The following KCNIP1 variants were observed in gnomAD, a reference collection of about 807,000 sequenced individuals.
The protein encoded by KCNIP1 is potassium voltage-gated channel interacting protein 1, also known as A-type potassium channel modulatory protein KCNIP1.
Under a neutral mutation model 33.0 loss-of-function variants are expected in KCNIP1, and 18 were observed. The observed-to-expected ratio is 0.55, with a 90% confidence interval of 0.38 to 0.81. The LOEUF (loss-of-function observed/expected upper bound fraction) is 0.81, where lower values mean the gene tolerates loss of function less well. KCNIP1 is among the 30% of genes least tolerant of loss of function. KCNIP1 has a pLI of 0.00. For synonymous variants in KCNIP1, 93 were observed against 98.3 expected, an observed-to-expected ratio of 0.95 and a Z score of 0.32; for missense variants, 238 against 271.6, an observed-to-expected ratio of 0.88 and a Z score of 0.87.
At chr5:170,359,592 C>G (rs184210428) in intron 1 of KCNIP1, among the ~76,000 whole-genome samples, 3 of 152,186 alleles carry the variant, frequency 2.0e-5, no homozygotes, top group African/African-American at 4.8e-5. Flanking sequence ...CTCTGAGTGC[C>G]AGTGCTTTGT....
chr5:170,514,305 C>G (rs1244090302), intron 1 of KCNIP1, among the ~76,000 whole-genome samples: 1 of 152,208 alleles, frequency 6.6e-6, no homozygotes, highest in Non-Finnish European at 1.5e-5. Context: ...TGAGGCTGCA[C>G]TTTCTCTCCA....
chr5:170,433,217 C>T (rs886834888), intron 1 of KCNIP1, among the ~76,000 whole-genome samples: 3 of 152,154 alleles, frequency 2.0e-5, no homozygotes, highest in Admixed American at 1.3e-4. Flanking sequence ...GATGGAGTCT[C>T]GCTCTGTCAC....
At chr5:170,372,380 T>C (rs1763868532) in intron 1 of KCNIP1, among the ~76,000 whole-genome samples, 1 of 150,926 alleles carries the variant, frequency 6.6e-6, no homozygotes, top group Admixed American at 6.6e-5. Context: ...ATTTAGGGGG[T>C]TTTATGAAGA....
Position 170,718,823 on chromosome 5 carries a change from G to C in KCNIP1, c.127G>C (p.Glu43Gln). The C allele has an allele frequency of 3.7e-6, 6 of 1,610,474 alleles. No individual in the cohort carries two copies. The highest frequency in any genetic ancestry group is 4.2e-6 in the Non-Finnish European group (5 of 1,178,912). The change falls in exon 2 of 8, where the codon GAG becomes CAG. Residue 43 changes from glutamate (E) to glutamine (Q), a missense_variant. By Grantham distance (29) the Glu-to-Gln change is conservative. Transcript: ENST00000328939. Reference protein sequence around the residue: ...CHRPEGLEQLEAQTNFTKREL... With the variant: ...CHRPEGLEQLQAQTNFTKREL... Reference sequence around the variant, plus strand: ...TCGGCCCGAGGGACTGGAGCAGCTCGAGGCCCAGACCAACTTCACCAAGAG... The same window carrying C: ...TCGGCCCGAGGGACTGGAGCAGCTCCAGGCCCAGACCAACTTCACCAAGAG...
At chr5:170,623,611 G>C (rs576132650) in intron 1 of KCNIP1, among the ~76,000 whole-genome samples, 8 of 152,202 alleles carry the variant, frequency 5.3e-5, no homozygotes, top group Non-Finnish European at 1.0e-4. Context: ...CCCCTCAGAC[G>C]AAACCGATGC....
At chr5:170,643,803 TG>T (rs992378321) in intron 1 of KCNIP1, among the ~76,000 whole-genome samples, 142 of 152,320 alleles carry the variant, frequency 9.3e-4, no homozygotes, top group Admixed American at 8.6e-3. Context: ...TGCAGCTGGC[TG>T]GGGGACCATG....
chr5:170,620,878 C>G (rs995347325), intron 1 of KCNIP1, among the ~76,000 whole-genome samples: 16 of 152,132 alleles, frequency 1.1e-4, no homozygotes, highest in Non-Finnish European at 2.1e-4. Context: ...CATGAGGGCC[C>G]TCCCCAAGGA....
At chr5:170,723,543 T>C (rs1348721063) in intron 5 of KCNIP1, among the ~76,000 whole-genome samples, 1 of 152,182 alleles carries the variant, frequency 6.6e-6, no homozygotes, top group East Asian at 1.9e-4. Context: ...TCAGCACCAA[T>C]CTTCACCTCA....
chr5:170,693,009 T>A (rs888116687), intron 1 of KCNIP1, among the ~76,000 whole-genome samples: 3 of 152,168 alleles, frequency 2.0e-5, no homozygotes. Flanking sequence ...CCATCACTGG[T>A]TAATAAACTA....
At position 170,449,359 on chromosome 5, in the gene KCNIP1, G is replaced by A. The variant is rs72836253; in HGVS notation, c.88+95395G>A. Among the ~76,000 whole-genome samples the A allele has an allele frequency of 6.0e-3, 911 of 152,074 alleles. 4 individuals are homozygous for A. The highest frequency in any genetic ancestry group is 0.011 in the Admixed American group (162 of 15,274). The stretch of plus-strand genomic sequence containing the variant: ...GCCCTCAACTTCCAAACTGTGCTTC[G>A]GGCACTGACATTCCCTGAGCTCCAC... On this transcript the variant is annotated intron_variant, in intron 1 of 7. Transcript: ENST00000377360.
chr5:170,574,830 G>A (rs1203369930), intron 1 of KCNIP1, among the ~76,000 whole-genome samples: 1 of 152,176 alleles, frequency 6.6e-6, no homozygotes, highest in African/African-American at 2.4e-5. Flanking sequence ...CACAGCTCTG[G>A]GACGTGGGAG....
At chr5:170,510,195 T>C (rs528853227) in intron 1 of KCNIP1, among the ~76,000 whole-genome samples, 44 of 152,346 alleles carry the variant, frequency 2.9e-4, no homozygotes, top group African/African-American at 9.4e-4. Flanking sequence ...GCCTTCTCTC[T>C]TTCCCCATAG....
intron 1 of KCNIP1, chr5:170,680,991 G>C (rs972290548): frequency 5.0e-6 from 2 of 398,994 alleles, no homozygotes; most frequent in African/African-American, 4.1e-5. Flanking sequence ...AGAACAGCAG[G>C]AAGGGAGGCT....
intron 1 of KCNIP1, among the ~76,000 whole-genome samples, chr5:170,523,441 G>A (rs1018547444): frequency 6.6e-6 from 1 of 152,184 alleles, no homozygotes; most frequent in African/African-American, 2.4e-5. Context: ...AGAAAGGCAG[G>A]GTTCCGGAAC....
chr5:170,450,357 G>T (rs932031207), intron 1 of KCNIP1, among the ~76,000 whole-genome samples: 1 of 152,134 alleles, frequency 6.6e-6, no homozygotes, highest in Non-Finnish European at 1.5e-5. Context: ...CTCAGCCAGG[G>T]TCTGCGGGTT....
chr5:170,483,070 AAGTGG>A (rs1479891788), intron 1 of KCNIP1: 2 of 454,724 alleles, frequency 4.4e-6, no homozygotes, highest in Non-Finnish European at 8.8e-6. Context: ...ATGGAGTCAA[AAGTGG>A]AACTGGGGCC....
At chr5:170,544,688 G>A (rs897923646) in intron 1 of KCNIP1, among the ~76,000 whole-genome samples, 1 of 145,156 alleles carries the variant, frequency 6.9e-6, no homozygotes. Context: ...TCCTTATATT[G>A]GCTTCTTGTT....
At chr5:170,722,206 C>A (rs2113875353) in intron 4 of KCNIP1, among the ~76,000 whole-genome samples, 1 of 152,242 alleles carries the variant, frequency 6.6e-6, no homozygotes, top group Admixed American at 6.5e-5. Context: ...TACTCCAATT[C>A]CCACAATAAC....
chr5:170,378,940 G>A, intron 1 of KCNIP1: 1 of 1,614,126 alleles, frequency 6.2e-7, no homozygotes, highest in South Asian at 1.1e-5. Context: ...CGGGCCGTCT[G>A]GTAATTGTCC....
Sources: allele counts gnomAD v4.1 joint callset (sites outside exome capture counted in the v4.1 genomes callset), GRCh38; gene constraint gnomAD v4.1.1; transcripts MANE v1.5; gene names NCBI Gene and HGNC (gene_info 2026-07-23, HGNC 2026-07-21).